Variants in CNTNAP5 observed in about 807,000 individuals in gnomAD.
CNTNAP5 encodes contactin-associated protein-like 5.
In CNTNAP5, 72 loss-of-function variants were observed where a neutral mutation model predicts 150.2. That is an observed-to-expected ratio of 0.48 (90% CI 0.40 to 0.58). CNTNAP5 has a LOEUF of 0.58. CNTNAP5 is among the 20% of genes least tolerant of loss of function. CNTNAP5 has a pLI of 0.00. For synonymous variants in CNTNAP5, 672 were observed against 619.8 expected, an observed-to-expected ratio of 1.08 and a Z score of -1.25; for missense variants, 1,636 against 1,626.2, an observed-to-expected ratio of 1.01 and a Z score of -0.10.
chr2:124,692,506 C>T (rs1380545626), intron 13 of CNTNAP5, among the ~76,000 whole-genome samples: 2 of 152,032 alleles, frequency 1.3e-5, no homozygotes, highest in African/African-American at 4.8e-5. Flanking sequence ...CAAAAGATCA[C>T]TGAAACAACT....
At chr2:124,535,606 C>CAAAAAAAAAAAAAAAAAAAA in intron 10 of CNTNAP5, among the ~76,000 whole-genome samples, 1 of 76,018 alleles carries the variant, frequency 1.3e-5, no homozygotes. Flanking sequence ...TACTGAAATA[C>CAAAAAAAAAAAAAAAAAAAA]AAAAAAAAAA....
chr2:124,567,873 A>ATAGAT (rs1696066304), intron 11 of CNTNAP5, among the ~76,000 whole-genome samples: 3 of 149,984 alleles, frequency 2.0e-5, no homozygotes, highest in Non-Finnish European at 4.5e-5. Flanking sequence ...AGATAGATAG[A>ATAGAT]TAGATAGATA....
intron 1 of CNTNAP5, among the ~76,000 whole-genome samples, chr2:124,177,830 T>C (rs188937925): frequency 2.0e-4 from 30 of 151,840 alleles, no homozygotes; most frequent in Admixed American, 1.9e-3. Context: ...TTATTTTTTG[T>C]TTGTTTTGTT....
chr2:124,165,009 G>C (rs1433174887), intron 1 of CNTNAP5, among the ~76,000 whole-genome samples: 2 of 152,168 alleles, frequency 1.3e-5, no homozygotes, highest in Non-Finnish European at 2.9e-5. Context: ...CCAGAGAAGG[G>C]CTTGATCCTC....
chr2:124,859,043 C>A (rs972720365), intron 19 of CNTNAP5, among the ~76,000 whole-genome samples: 2 of 151,898 alleles, frequency 1.3e-5, no homozygotes, highest in African/African-American at 2.4e-5. Context: ...GCAACAAAAG[C>A]CAAAATTGAC....
At chr2:124,875,143 C>G (rs1001178857) in intron 21 of CNTNAP5, among the ~76,000 whole-genome samples, 1 of 151,988 alleles carries the variant, frequency 6.6e-6, no homozygotes, top group African/African-American at 2.4e-5. Flanking sequence ...AAACTTTGAG[C>G]CTACTGTGTC....
intron 13 of CNTNAP5, among the ~76,000 whole-genome samples, chr2:124,713,154 T>C (rs186030624): frequency 5.4e-5 from 8 of 148,580 alleles, no homozygotes; most frequent in African/African-American, 1.5e-4. Context: ...CTTCCTTCCT[T>C]CCTCCCTCCC....
chr2:124,422,139 G>A (rs571351139), intron 4 of CNTNAP5, among the ~76,000 whole-genome samples: 1 of 152,252 alleles, frequency 6.6e-6, no homozygotes, highest in East Asian at 1.9e-4. Flanking sequence ...CTCAGCATAG[G>A]CAACAAGGTT....
Position 124,357,543 on chromosome 2 carries a change from G to T in CNTNAP5, c.382-59900G>T, listed in dbSNP as rs891980770. 2.6e-5 allele frequency among the ~76,000 whole-genome samples: 4 copies of T among 151,834 alleles called. No homozygotes were observed. In the South Asian group the frequency reaches 6.3e-4, roughly 24 times the overall value. On this transcript the variant is annotated intron_variant, in intron 3 of 23. Transcript: ENST00000682447. Reference sequence around the variant, plus strand: ...TACATATGGCTAGCCAGTTTTCCCAGCACCGTTTATTAAATAGGGAATCCT... The same window carrying T: ...TACATATGGCTAGCCAGTTTTCCCATCACCGTTTATTAAATAGGGAATCCT...
rs143863612 is a variant in CNTNAP5 at position 124,296,445 on chromosome 2, A to G, written c.381+54052A>G. Among the ~76,000 whole-genome samples, 347 of 152,324 alleles carry G rather than the reference A, an allele frequency of 2.3e-3. 1 individual carries two copies. Among genetic ancestry groups the G allele is most frequent in the African/African-American group, 7.8e-3 (326 of 41,580 alleles). The stretch of plus-strand genomic sequence containing the variant: ...CTGGTTTCATGGCTAAGTGTAATGG[A>G]GGACATGAAATGGATGGTGAACACT... On this transcript the variant is annotated intron_variant, in intron 3 of 23. Coordinates refer to ENST00000682447, the MANE Select transcript of CNTNAP5 (RefSeq NM_001367498.1).
chr2:124,863,563 G>A (rs1000385782), intron 19 of CNTNAP5, among the ~76,000 whole-genome samples: 2 of 152,158 alleles, frequency 1.3e-5, no homozygotes, highest in African/African-American at 4.8e-5. Flanking sequence ...GTTAGGCAAT[G>A]GCCTCATAGC....
intron 10 of CNTNAP5, among the ~76,000 whole-genome samples, chr2:124,556,165 C>T (rs940173592): frequency 6.6e-6 from 1 of 152,160 alleles, no homozygotes; most frequent in Non-Finnish European, 1.5e-5. Context: ...GGAGGATGTG[C>T]AGTGCTCTAG....
intron 20 of CNTNAP5, among the ~76,000 whole-genome samples, chr2:124,869,110 C>T (rs142945735): frequency 2.6e-5 from 4 of 152,276 alleles, no homozygotes; most frequent in Admixed American, 2.0e-4. Context: ...GATTATCAAT[C>T]GTCCATGTTG....
chr2:124,045,411 C>T (rs1026831317), intron 1 of CNTNAP5, among the ~76,000 whole-genome samples: 34 of 151,678 alleles, frequency 2.2e-4, no homozygotes, highest in Admixed American at 1.8e-3. Flanking sequence ...GATTCTCCTG[C>T]CTCAGCCTCC....
intron 3 of CNTNAP5, among the ~76,000 whole-genome samples, chr2:124,403,200 C>T (rs1002738571): frequency 5.9e-5 from 9 of 152,070 alleles, no homozygotes; most frequent in Admixed American, 2.0e-4. Flanking sequence ...ATATGTAGCT[C>T]GAGGTATTAG....
intron 3 of CNTNAP5, among the ~76,000 whole-genome samples, chr2:124,350,567 A>C (rs1195926470): frequency 6.6e-6 from 1 of 151,982 alleles, no homozygotes; most frequent in African/African-American, 2.4e-5. Context: ...AACTTCAGAA[A>C]AATTTAAAAT....
At chr2:124,703,179 C>T (rs531002786) in intron 13 of CNTNAP5, among the ~76,000 whole-genome samples, 30 of 144,938 alleles carry the variant, frequency 2.1e-4, no homozygotes, top group African/African-American at 6.8e-4. Context: ...CCCTTTCTTC[C>T]TCCTCTCCTT....
intron 12 of CNTNAP5, among the ~76,000 whole-genome samples, chr2:124,626,307 C>G (rs956736904): frequency 2.6e-5 from 4 of 152,100 alleles, no homozygotes; most frequent in African/African-American, 4.8e-5. Context: ...AGAAACAGCT[C>G]TAGCCTGCAG....
chr2:124,598,747 C>T (rs1267240144), intron 11 of CNTNAP5, among the ~76,000 whole-genome samples: 7 of 152,184 alleles, frequency 4.6e-5, no homozygotes, highest in Admixed American at 6.5e-5. Flanking sequence ...CCCAGCCTCG[C>T]TGCCGCCTTG....
Sources: allele counts gnomAD v4.1 joint callset (sites outside exome capture counted in the v4.1 genomes callset), GRCh38; gene constraint gnomAD v4.1.1; transcripts MANE v1.5; gene names NCBI Gene and HGNC (gene_info 2026-07-23, HGNC 2026-07-21).